CNTN4: variants seen among roughly 807,000 people sequenced by gnomAD.
CNTN4 encodes contactin-4.
CNTN4 carries 77 observed loss-of-function variants against 122.5 expected under a neutral mutation model. That is an observed-to-expected ratio of 0.63 (90% CI 0.52 to 0.76). The LOEUF (loss-of-function observed/expected upper bound fraction) is 0.76. Among genes scored for constraint, CNTN4 ranks in the 30% least tolerant of loss-of-function variants. The pLI, the probability that CNTN4 is intolerant of heterozygous loss-of-function variation, is 0.00. For synonymous variants in CNTN4, 512 were observed against 447.0 expected, an observed-to-expected ratio of 1.15 and a Z score of -1.83; for missense variants, 1,256 against 1,259.1, an observed-to-expected ratio of 1.00 and a Z score of 0.04.
intron 4 of CNTN4, among the ~76,000 whole-genome samples, chr3:2,582,150 G>A (rs950666907): frequency 2.0e-5 from 3 of 152,122 alleles, no homozygotes; most frequent in Non-Finnish European, 4.4e-5. Context: ...TATGATGTGT[G>A]AATTATATCT....
chr3:2,868,301 G>A (rs1194598685), intron 8 of CNTN4, among the ~76,000 whole-genome samples: 1 of 152,114 alleles, frequency 6.6e-6, no homozygotes. Context: ...AAAAATTAAT[G>A]GCTCCAAGAT....
chr3:3,048,011 C>A (rs983364862), intron 23 of CNTN4, among the ~76,000 whole-genome samples: 5 of 152,144 alleles, frequency 3.3e-5, no homozygotes, highest in Non-Finnish European at 5.9e-5. Context: ...TTTCTGAGTT[C>A]TTCTTAATTT....
intron 3 of CNTN4, among the ~76,000 whole-genome samples, chr3:2,507,449 C>T (rs2076760506): frequency 6.6e-6 from 1 of 151,950 alleles, no homozygotes; most frequent in Non-Finnish European, 1.5e-5. Context: ...GGTGCGGTGG[C>T]TCATGACTGT....
At chr3:2,972,616 T>C (rs577046008) in intron 13 of CNTN4, among the ~76,000 whole-genome samples, 22 of 152,332 alleles carry the variant, frequency 1.4e-4, no homozygotes, top group Non-Finnish European at 2.8e-4. Flanking sequence ...ACTATCTTCC[T>C]TTCATAGTTC....
At chr3:2,706,266 C>G (rs914848363) in intron 4 of CNTN4, among the ~76,000 whole-genome samples, 1 of 151,728 alleles carries the variant, frequency 6.6e-6, no homozygotes, top group African/African-American at 2.4e-5. Flanking sequence ...TGGTTTATGC[C>G]CAACACTATG....
At position 2,444,971 on chromosome 3, in the gene CNTN4, G is replaced by A. The variant is rs77543446; in HGVS notation, c.-89+105738G>A. ...TCCTACCTCACATGCCTGAAATGCC[G>A]CATCCCCCCACCCCACTTCTTACTA... On this transcript the variant is annotated intron_variant, in intron 3 of 24. Coordinates refer to ENST00000418658, the MANE Select transcript of CNTN4 (RefSeq NM_175607.3). Among the ~76,000 whole-genome samples the A allele has an allele frequency of 9.4e-3, 1,411 of 150,342 alleles. 20 individuals are homozygous for A. Among genetic ancestry groups the A allele is most frequent in the African/African-American group, 0.033 (1,335 of 40,800 alleles).
intron 2 of CNTN4, among the ~76,000 whole-genome samples, chr3:2,245,482 C>G (rs920010323): frequency 6.6e-6 from 1 of 152,010 alleles, no homozygotes; most frequent in Non-Finnish European, 1.5e-5. Flanking sequence ...AGTGTGTACA[C>G]TGACCCAGAG....
At chr3:2,460,611 A>G (rs564800539) in intron 3 of CNTN4, among the ~76,000 whole-genome samples, 4 of 152,268 alleles carry the variant, frequency 2.6e-5, no homozygotes, top group African/African-American at 9.6e-5. Flanking sequence ...ATAGATGAAG[A>G]TGATGGTTTT....
chr3:2,600,008 CTTTTTTTT>C lies in CNTN4; in HGVS notation c.55+28470_55+28477del, dbSNP rs71058630. 7.9e-4 allele frequency among the ~76,000 whole-genome samples: 33 copies of C among 41,758 alleles called. 1 individual carries two copies. The highest frequency in any genetic ancestry group is 2.1e-3 in the East Asian group (2 of 948). 27.4% of individuals were successfully genotyped at this position (41,758 alleles called of 152,430 possible). ...CTCTATTTTGGTTTATGGAATTCTTCTTTTTTTTTTTTTTTTTTTTTTTTTTTGCCAAA... is the reference window on the plus strand; with the variant it reads ...CTCTATTTTGGTTTATGGAATTCTTCTTTTTTTTTTTTTTTTTTTGCCAAA... On this transcript the variant is annotated intron_variant, in intron 4 of 24. Transcript: ENST00000418658.
chr3:2,367,520 CT>C (rs566407814), intron 3 of CNTN4, among the ~76,000 whole-genome samples: 2 of 152,098 alleles, frequency 1.3e-5, no homozygotes, highest in African/African-American at 2.4e-5. Flanking sequence ...TGAGATGAGT[CT>C]TTTTTTTATT....
rs552317279 is a variant in CNTN4, at chr3:2,966,105, G to A, written c.1359-22240G>A. The stretch of plus-strand genomic sequence containing the variant: ...CTACCATAGGTAGTGAGCACTACTA[G>A]CCATTGAATGAATGGGAGATGAAAA... On this transcript the variant is annotated intron_variant, in intron 13 of 24. Coordinates refer to ENST00000418658, the MANE Select transcript of CNTN4 (RefSeq NM_175607.3). 5.8e-4 allele frequency among the ~76,000 whole-genome samples: 88 copies of A among 152,102 alleles called. 1 individual carries two copies. The highest frequency in any genetic ancestry group is 1.1e-3 in the Non-Finnish European group (75 of 68,014).
At chr3:2,314,549 C>G (rs952411293) in intron 2 of CNTN4, among the ~76,000 whole-genome samples, 8 of 151,608 alleles carry the variant, frequency 5.3e-5, no homozygotes, top group African/African-American at 1.9e-4. Context: ...CCCTGTATAT[C>G]AGATGAAACT....
intron 2 of CNTN4, among the ~76,000 whole-genome samples, chr3:2,336,226 G>C (rs1720185): frequency 4.6e-5 from 7 of 151,640 alleles, no homozygotes; most frequent in Non-Finnish European, 7.4e-5. Flanking sequence ...GTTTATTTGG[G>C]GGGGGGAGGT....
chr3:2,671,182 T>C (rs1241901223), intron 4 of CNTN4, among the ~76,000 whole-genome samples: 2 of 152,172 alleles, frequency 1.3e-5, no homozygotes, highest in Non-Finnish European at 2.9e-5. Context: ...TCCTGCAGAG[T>C]GTTTTCCAAC....
chr3:2,978,472 C>T (rs76610091), intron 13 of CNTN4, among the ~76,000 whole-genome samples: 4,592 of 152,312 alleles, frequency 0.03, 90 homozygotes, highest in Middle Eastern at 0.048. Flanking sequence ...GGCTGCTGCC[C>T]GTCTCCTCCA....
intron 3 of CNTN4, among the ~76,000 whole-genome samples, chr3:2,380,029 C>A (rs1465755475): frequency 3.0e-5 from 4 of 134,068 alleles, no homozygotes; most frequent in Non-Finnish European, 6.1e-5. Context: ...TGCATTCCAG[C>A]TTGGTCAACA....
chr3:2,523,067 G>A (rs113951802), intron 3 of CNTN4, among the ~76,000 whole-genome samples: 380 of 152,174 alleles, frequency 2.5e-3, no homozygotes, highest in African/African-American at 8.8e-3. Context: ...GATATGTGAA[G>A]TAAAAGATTG....
chr3:2,288,904 G>T (rs1312660579), intron 2 of CNTN4, among the ~76,000 whole-genome samples: 2 of 152,120 alleles, frequency 1.3e-5, no homozygotes, highest in African/African-American at 2.4e-5. Flanking sequence ...TGAAAAGCAA[G>T]AAATTCCAAG....
chr3:2,162,306 G>A (rs192070936), intron 2 of CNTN4, among the ~76,000 whole-genome samples: 1 of 152,266 alleles, frequency 6.6e-6, no homozygotes, highest in East Asian at 1.9e-4. Context: ...AATTTCTTAT[G>A]AATGTTCTCA....
Sources: allele counts gnomAD v4.1 joint callset (sites outside exome capture counted in the v4.1 genomes callset), GRCh38; gene constraint gnomAD v4.1.1; transcripts MANE v1.5; gene names NCBI Gene and HGNC (gene_info 2026-07-23, HGNC 2026-07-21).